Variants in TRIQK observed in about 807,000 individuals in gnomAD.
TRIQK encodes the protein triple QxxK/R motif containing.
TRIQK carries 10 observed loss-of-function variants against 10.8 expected under a neutral mutation model. The observed-to-expected ratio is 0.92, with a 90% CI of 0.57 to 1.57. TRIQK has a LOEUF of 1.57. TRIQK is among the 40% of genes most tolerant of loss of function. TRIQK has a pLI of 0.00. For missense variants in TRIQK, 107 were observed against 97.7 expected, an observed-to-expected ratio of 1.09 and a Z score of -0.40; for synonymous variants, 33 against 33.7, an observed-to-expected ratio of 0.98 and a Z score of 0.07.
At chr8:92,956,141 G>A (rs902865026) in intron 1 of TRIQK, among the ~76,000 whole-genome samples, 1 of 151,666 alleles carries the variant, frequency 6.6e-6, no homozygotes, top group Non-Finnish European at 1.5e-5. Context: ...TAGCCAAAAA[G>A]TAGAAATAAC....
intron 2 of TRIQK, among the ~76,000 whole-genome samples, chr8:92,918,100 A>G (rs1276001660): frequency 6.6e-6 from 1 of 152,082 alleles, no homozygotes; most frequent in Admixed American, 6.6e-5. Context: ...TATAGAGACA[A>G]CATTTTTGCT....
chr8:92,905,148 T>G (rs1809184454), intron 3 of TRIQK, among the ~76,000 whole-genome samples: 1 of 151,884 alleles, frequency 6.6e-6, no homozygotes, highest in African/African-American at 2.4e-5. Context: ...CGTAATAGCA[T>G]TCATAGAAAA....
rs563982134 is a variant in TRIQK at position 92,965,993 on chromosome 8, C to T, written c.-181+14G>A. The T allele has an allele frequency of 1.4e-3, 212 of 152,906 alleles. No individual in the cohort carries two copies. The highest frequency in any genetic ancestry group is 4.9e-3 in the African/African-American group (202 of 41,602). The allele number at this position is 152,906 out of a possible 1,614,324, so 9.5% of individuals were successfully genotyped here. On this transcript the variant is annotated intron_variant, in intron 1 of 4. Coordinates refer to ENST00000521988, the MANE Select transcript of TRIQK (RefSeq NM_001171797.2). ...AGGGTCTCCCCAATCCCCTCGCACT[C>T]GCCGGACACACACCTCAGCTCTGCC...
chr8:93,001,897 C>T (rs994979034), intron 1 of TRIQK, among the ~76,000 whole-genome samples: 6 of 152,150 alleles, frequency 3.9e-5, no homozygotes, highest in African/African-American at 1.2e-4. Context: ...CAAAACAAGT[C>T]AACAAATGTC....
chr8:92,897,008 G>T (rs926436133), intron 3 of TRIQK, among the ~76,000 whole-genome samples: 1 of 151,842 alleles, frequency 6.6e-6, no homozygotes, highest in Admixed American at 6.6e-5. Context: ...GTAGAGATGG[G>T]GTTTCGCAAT....
chr8:93,015,917 C>A (rs2130766021), intron 1 of TRIQK, among the ~76,000 whole-genome samples: 1 of 150,002 alleles, frequency 6.7e-6, no homozygotes, highest in Non-Finnish European at 1.5e-5. Context: ...ACACCTTGTG[C>A]ATCAGAAAAT....
chr8:92,924,286 C>T (rs1163977435), intron 2 of TRIQK, among the ~76,000 whole-genome samples: 1 of 151,930 alleles, frequency 6.6e-6, no homozygotes, highest in East Asian at 1.9e-4. Flanking sequence ...TGTTCATTCA[C>T]TTAACATATT....
chr8:92,900,889 A>AT (rs1419054414), intron 3 of TRIQK, among the ~76,000 whole-genome samples: 6 of 152,022 alleles, frequency 3.9e-5, no homozygotes, highest in Admixed American at 1.3e-4. Flanking sequence ...ATATTTTCCC[A>AT]TTTTTTTGTG....
At chr8:93,002,685 C>G (rs1008305161) in intron 1 of TRIQK, among the ~76,000 whole-genome samples, 2 of 151,970 alleles carry the variant, frequency 1.3e-5, no homozygotes, top group African/African-American at 2.4e-5. Flanking sequence ...TTTGGGAGAC[C>G]GAGGTGGGCA....
At chr8:92,906,754 G>A (rs1181044873) in intron 3 of TRIQK, among the ~76,000 whole-genome samples, 7 of 151,506 alleles carry the variant, frequency 4.6e-5, no homozygotes, top group Admixed American at 1.3e-4. Flanking sequence ...TTAGCCGGGC[G>A]TGGTGGCAGG....
At chr8:92,989,911 TA>T (rs949484939) in intron 1 of TRIQK, among the ~76,000 whole-genome samples, 7 of 151,156 alleles carry the variant, frequency 4.6e-5, no homozygotes, top group African/African-American at 1.2e-4. Context: ...CTCATTTGTT[TA>T]AAAAAAAATC....
chr8:92,991,648 G>A (rs759421739), intron 1 of TRIQK, among the ~76,000 whole-genome samples: 7 of 152,004 alleles, frequency 4.6e-5, no homozygotes, highest in Non-Finnish European at 8.8e-5. Context: ...TGGAAGTTCC[G>A]GCCCGGGCAA....
At chr8:93,015,386 C>A (rs1049972124) in intron 1 of TRIQK, among the ~76,000 whole-genome samples, 1 of 151,322 alleles carries the variant, frequency 6.6e-6, no homozygotes, top group African/African-American at 2.4e-5. Context: ...AATAATTAAC[C>A]CTTTTCCCCA....
At chr8:93,010,031 C>T (rs976585753) in intron 1 of TRIQK, among the ~76,000 whole-genome samples, 9 of 152,010 alleles carry the variant, frequency 5.9e-5, no homozygotes, top group Non-Finnish European at 1.0e-4. Flanking sequence ...AAGAGAAATA[C>T]CATATAATCA....
chr8:92,890,918 A>C (rs1816734378), intron 4 of TRIQK, among the ~76,000 whole-genome samples: 1 of 151,966 alleles, frequency 6.6e-6, no homozygotes, highest in East Asian at 1.9e-4. Context: ...TTTTTTAATG[A>C]ATGAGATTTC....
intron 1 of TRIQK, among the ~76,000 whole-genome samples, chr8:92,988,480 T>C (rs1253520373): frequency 3.9e-5 from 6 of 152,212 alleles, no homozygotes; most frequent in African/African-American, 1.4e-4. Context: ...TAGGGTACTA[T>C]ATTGGTTTGC....
intron 2 of TRIQK, among the ~76,000 whole-genome samples, chr8:92,925,047 G>A (rs1810376017): frequency 6.6e-6 from 1 of 152,012 alleles, no homozygotes; most frequent in African/African-American, 2.4e-5. Flanking sequence ...CAAAAAGTAA[G>A]TACAGGACAC....
At chr8:92,907,885 T>A (rs914296242) in intron 3 of TRIQK, among the ~76,000 whole-genome samples, 1 of 152,084 alleles carries the variant, frequency 6.6e-6, no homozygotes, top group African/African-American at 2.4e-5. Context: ...TAAAAACATA[T>A]TTAATAAAAA....
intron 3 of TRIQK, among the ~76,000 whole-genome samples, chr8:92,906,722 CAAAAA>C (rs36073229): frequency 8.7e-5 from 11 of 126,534 alleles, no homozygotes; most frequent in African/African-American, 1.8e-4. Context: ...CCGTCTCTAT[CAAAAA>C]AAAAAAAAAA....
Sources: allele counts gnomAD v4.1 joint callset (sites outside exome capture counted in the v4.1 genomes callset), GRCh38; gene constraint gnomAD v4.1.1; transcripts MANE v1.5; gene names NCBI Gene and HGNC (gene_info 2026-07-23, HGNC 2026-07-21).